Variants in MED12L observed in about 807,000 individuals in gnomAD.
MED12L encodes mediator complex subunit 12L.
MED12L carries 60 observed loss-of-function variants against 281.3 expected under a neutral mutation model. The ratio of observed to expected loss-of-function variants is 0.21; its 90% CI spans 0.17 to 0.26. The LOEUF is 0.26. MED12L is among the 10% of genes least tolerant of loss of function. The pLI is 1.00. For missense variants in MED12L, 2,146 were observed against 2,680.9 expected, an observed-to-expected ratio of 0.80 and a Z score of 4.41; for synonymous variants, 974 against 987.2, an observed-to-expected ratio of 0.99 and a Z score of 0.25.
At chr3:151,241,157 G>A (rs1467781770) in intron 16 of MED12L, among the ~76,000 whole-genome samples, 2 of 152,106 alleles carry the variant, frequency 1.3e-5, no homozygotes, top group East Asian at 3.8e-4. Context: ...ATCATTAGTG[G>A]TTTTCTCCTT....
intron 16 of MED12L, among the ~76,000 whole-genome samples, chr3:151,240,443 C>T (rs980910236): frequency 1.3e-5 from 2 of 152,168 alleles, no homozygotes. Context: ...TGCTGCGTGC[C>T]AGGTACTAGC....
intron 16 of MED12L, among the ~76,000 whole-genome samples, chr3:151,267,016 A>T (rs1319267815): frequency 6.6e-6 from 1 of 152,242 alleles, no homozygotes; most frequent in East Asian, 1.9e-4. Context: ...TTGACAAATT[A>T]CATCTATACT....
At chr3:151,093,923 A>G (rs1472889264) in intron 2 of MED12L, among the ~76,000 whole-genome samples, 1 of 152,218 alleles carries the variant, frequency 6.6e-6, no homozygotes, top group East Asian at 1.9e-4. Context: ...CCCTTGGACT[A>G]GTACCTGAGG....
intron 11 of MED12L, among the ~76,000 whole-genome samples, chr3:151,182,232 C>G (rs1351685343): frequency 2.0e-5 from 3 of 151,780 alleles, no homozygotes; most frequent in Non-Finnish European, 4.4e-5. Context: ...TTTTAAAATT[C>G]GTTCAGACTG....
chr3:151,209,313 A>C (rs1188845237), intron 16 of MED12L, among the ~76,000 whole-genome samples: 1 of 152,208 alleles, frequency 6.6e-6, no homozygotes, highest in African/African-American at 2.4e-5. Flanking sequence ...GCTGATTCAC[A>C]TGTAATATTT....
chr3:151,111,004 G>A (rs188908705), intron 2 of MED12L, among the ~76,000 whole-genome samples: 1 of 152,282 alleles, frequency 6.6e-6, no homozygotes, highest in Admixed American at 6.5e-5. Context: ...GCATCACCTG[G>A]GAAGTTGTTA....
intron 16 of MED12L, among the ~76,000 whole-genome samples, chr3:151,333,971 A>G (rs1336460586): frequency 6.6e-6 from 1 of 151,556 alleles, no homozygotes; most frequent in Non-Finnish European, 1.5e-5. Context: ...CCAGCTACTC[A>G]GGAGGCTGAG....
intron 43 of MED12L, among the ~76,000 whole-genome samples, chr3:151,423,734 C>CATGATCTATTCTTTAAAACT (rs1285713697): frequency 6.6e-6 from 1 of 152,010 alleles, no homozygotes; most frequent in Non-Finnish European, 1.5e-5. Flanking sequence ...GTTGACAGAC[C>CATGATCTATTCTTTAAAACT]ATGATCTATT....
chr3:151,266,005 G>A (rs1041088730), intron 16 of MED12L, among the ~76,000 whole-genome samples: 2 of 152,164 alleles, frequency 1.3e-5, no homozygotes, highest in African/African-American at 4.8e-5. Flanking sequence ...GTGCCTTCAG[G>A]TTGCTCAGTT....
chr3:151,199,202 A>T, intron 16 of MED12L: 1 of 1,614,164 alleles, frequency 6.2e-7, no homozygotes, highest in Non-Finnish European at 8.5e-7. Context: ...CAGAGTAAGC[A>T]GGAAATCGGC....
At chr3:151,334,196 C>CTTTTTTTTTTTTTTTTTT (rs71138494) in intron 16 of MED12L, among the ~76,000 whole-genome samples, 6 of 118,220 alleles carry the variant, frequency 5.1e-5, no homozygotes, top group African/African-American at 1.3e-4. Flanking sequence ...TTCTTTCTTT[C>CTTTTTTTTTTTTTTTTTT]TTTTTTTTTT....
intron 16 of MED12L, among the ~76,000 whole-genome samples, chr3:151,267,363 T>G (rs1740039243): frequency 6.6e-6 from 1 of 152,222 alleles, no homozygotes; most frequent in Non-Finnish European, 1.5e-5. Context: ...TGTAATCAAA[T>G]TTAAGTAGCT....
At chr3:151,333,261 C>T (rs1046709666) in intron 16 of MED12L, among the ~76,000 whole-genome samples, 4 of 152,274 alleles carry the variant, frequency 2.6e-5, no homozygotes, top group African/African-American at 9.6e-5. Context: ...TGTATATACC[C>T]AGTCATGGGA....
chr3:151,380,354 T>C (rs981480028), intron 32 of MED12L, 130 bp downstream of exon 32: 4 of 584,606 alleles, frequency 6.8e-6, no homozygotes, highest in African/African-American at 4.0e-5. Context: ...CCCAGCACTT[T>C]GGGAGGCGGA....
At chr3:151,179,821 A>G (rs748859215) in intron 11 of MED12L, among the ~76,000 whole-genome samples, 14 of 152,240 alleles carry the variant, frequency 9.2e-5, no homozygotes, top group Non-Finnish European at 1.9e-4. Flanking sequence ...AAAACAAACC[A>G]AAAATTTTCA....
At chr3:151,216,672 C>G (rs993240548) in intron 16 of MED12L, among the ~76,000 whole-genome samples, 1 of 152,170 alleles carries the variant, frequency 6.6e-6, no homozygotes, top group Non-Finnish European at 1.5e-5. Context: ...CTTCCTCTTC[C>G]CTGTAGCCTT....
At chr3:151,273,458 G>C (rs906174400) in intron 16 of MED12L, among the ~76,000 whole-genome samples, 1 of 146,378 alleles carries the variant, frequency 6.8e-6, no homozygotes, top group Admixed American at 7.0e-5. Flanking sequence ...GGCCAGGCTG[G>C]TCTGAAACTT....
At chr3:151,323,632 C>G (rs1749245164) in intron 16 of MED12L, among the ~76,000 whole-genome samples, 1 of 152,142 alleles carries the variant, frequency 6.6e-6, no homozygotes, top group African/African-American at 2.4e-5. Context: ...CCTGTGAACC[C>G]TTCTTCATTT....
At chr3:151,215,831 A>G (rs970592546) in intron 16 of MED12L, among the ~76,000 whole-genome samples, 2 of 152,134 alleles carry the variant, frequency 1.3e-5, no homozygotes, top group Non-Finnish European at 2.9e-5. Flanking sequence ...CCCAGCACTG[A>G]GTTCCTGCTG....
Sources: gnomAD v4.1 joint callset for allele counts (sites outside exome capture counted in the v4.1 genomes callset) on GRCh38, gnomAD v4.1.1 for gene constraint, MANE v1.5 for transcripts, NCBI Gene and HGNC (gene_info 2026-07-23, HGNC 2026-07-21) for gene names.